Variants in UNC5D observed in about 807,000 individuals in gnomAD.
UNC5D encodes the protein unc-5 netrin receptor D, also known as netrin receptor UNC5D.
Under a neutral mutation model 105.4 loss-of-function variants are expected in UNC5D, and 39 were observed. The observed-to-expected ratio is 0.37, with a 90% CI of 0.29 to 0.48. The LOEUF (loss-of-function observed/expected upper bound fraction) is 0.48, where lower values mean the gene tolerates loss of function less well. Among genes scored for constraint, UNC5D ranks in the 20% least tolerant of loss-of-function variants. The pLI, the probability that UNC5D is intolerant of heterozygous loss-of-function variation, is 0.98. For missense variants in UNC5D, 991 were observed against 1,202.4 expected (o/e 0.82, Z 2.60); for synonymous variants, 452 against 450.4 (o/e 1.00, Z -0.04).
rs1351338400 is a variant in UNC5D, at chr8:35,772,040, CTCTTT to C, written c.2479-2255_2479-2251del. On this transcript the variant is annotated intron_variant, in intron 15 of 16. Coordinates refer to ENST00000404895, the MANE Select transcript of UNC5D (RefSeq NM_080872.4). ...GGTCTTTCTGCTTCTAAAAACCATG[CTCTTT>C]TCTGTTATATAAATACTGGAATAGT... Among the ~76,000 whole-genome samples, 3 of 152,146 alleles carry C rather than the reference CTCTTT, an allele frequency of 2.0e-5. No individual in the cohort carries two copies. In the East Asian group the frequency reaches 5.8e-4, roughly 29 times the overall value.
chr8:35,288,546 G>T (rs1439609365), intron 1 of UNC5D, among the ~76,000 whole-genome samples: 3 of 152,108 alleles, frequency 2.0e-5, no homozygotes, highest in Admixed American at 2.0e-4. Flanking sequence ...TATAAGTAAT[G>T]CCTGGTCATA....
At chr8:35,573,019 G>A (rs1817848345) in intron 3 of UNC5D, among the ~76,000 whole-genome samples, 1 of 152,002 alleles carries the variant, frequency 6.6e-6, no homozygotes, top group Admixed American at 6.6e-5. Context: ...TAGCCAGGAT[G>A]GTCTCGATCT....
intron 4 of UNC5D, among the ~76,000 whole-genome samples, chr8:35,631,905 G>A (rs1822065315): frequency 6.6e-6 from 1 of 152,094 alleles, no homozygotes; most frequent in Admixed American, 6.5e-5. Flanking sequence ...ATTTAATATG[G>A]TTCTATATTA....
chr8:35,711,438 C>T (rs1206256498), intron 8 of UNC5D, among the ~76,000 whole-genome samples: 1 of 152,074 alleles, frequency 6.6e-6, no homozygotes, highest in African/African-American at 2.4e-5. Context: ...CCTTAACCTC[C>T]CAAAGTGCTG....
chr8:35,508,215 G>A (rs866764188), intron 1 of UNC5D, among the ~76,000 whole-genome samples: 6 of 152,204 alleles, frequency 3.9e-5, no homozygotes, highest in East Asian at 1.9e-4. Flanking sequence ...CTGATATTCC[G>A]TTACTTCACT....
intron 1 of UNC5D, among the ~76,000 whole-genome samples, chr8:35,307,811 C>G (rs563285480): frequency 1.3e-5 from 2 of 152,146 alleles, no homozygotes; most frequent in Admixed American, 1.3e-4. Flanking sequence ...CACGCAGGAA[C>G]TTTACAGTTA....
chr8:35,424,775 T>C (rs755615588), intron 1 of UNC5D, among the ~76,000 whole-genome samples: 29 of 152,218 alleles, frequency 1.9e-4, no homozygotes, highest in Non-Finnish European at 3.8e-4. Context: ...CCTTCTCTTA[T>C]TCTTACCTTC....
intron 9 of UNC5D, among the ~76,000 whole-genome samples, chr8:35,723,710 C>A (rs760934852): frequency 6.6e-6 from 1 of 152,090 alleles, no homozygotes; most frequent in Non-Finnish European, 1.5e-5. Flanking sequence ...TGGTCAAGAA[C>A]TGATTTTTAT....
intron 1 of UNC5D, among the ~76,000 whole-genome samples, chr8:35,308,201 A>G (rs1808590453): frequency 6.6e-6 from 1 of 151,512 alleles, no homozygotes. Context: ...AACACATGAT[A>G]TTTGTGTACC....
At chr8:35,651,323 A>G (rs1372902918) in intron 4 of UNC5D, among the ~76,000 whole-genome samples, 1 of 152,164 alleles carries the variant, frequency 6.6e-6, no homozygotes, top group Non-Finnish European at 1.5e-5. Flanking sequence ...CAAGATTAGA[A>G]GCTAAGAGTC....
chr8:35,614,813 GA>G (rs1299829442), intron 4 of UNC5D, among the ~76,000 whole-genome samples: 1 of 152,080 alleles, frequency 6.6e-6, no homozygotes, highest in Admixed American at 6.5e-5. Flanking sequence ...GTTCCTTACT[GA>G]AAAAGAAAAG....
chr8:35,344,256 A>G (rs1465459418), intron 1 of UNC5D, among the ~76,000 whole-genome samples: 2 of 152,084 alleles, frequency 1.3e-5, no homozygotes, highest in African/African-American at 2.4e-5. Flanking sequence ...GACTGTACAC[A>G]TCAGACCCGG....
At chr8:35,315,900 G>T (rs1809265685) in intron 1 of UNC5D, among the ~76,000 whole-genome samples, 1 of 152,134 alleles carries the variant, frequency 6.6e-6, no homozygotes, top group Admixed American at 6.6e-5. Flanking sequence ...TACAGACCAT[G>T]AACAACATCG....
chr8:35,731,483 G>C (rs1045427488), intron 11 of UNC5D, among the ~76,000 whole-genome samples: 14 of 144,734 alleles, frequency 9.7e-5, no homozygotes, highest in African/African-American at 3.6e-4. Context: ...ACTATTAAGA[G>C]AATGAGACTT....
chr8:35,781,376 G>A (rs1032012157), intron 16 of UNC5D, among the ~76,000 whole-genome samples: 8 of 152,118 alleles, frequency 5.3e-5, no homozygotes, highest in Admixed American at 2.6e-4. Flanking sequence ...CTAAAGTTAT[G>A]CTCCCACTGT....
chr8:35,442,891 C>CTGTT (rs1807513231), intron 1 of UNC5D, among the ~76,000 whole-genome samples: 1 of 132,674 alleles, frequency 7.5e-6, no homozygotes, highest in African/African-American at 3.2e-5. Context: ...CTGTTTCTCT[C>CTGTT]TCTCTCTCTC....
chr8:35,615,831 G>A (rs1441682717), intron 4 of UNC5D, among the ~76,000 whole-genome samples: 9 of 152,180 alleles, frequency 5.9e-5, no homozygotes, highest in East Asian at 1.9e-4. Context: ...GGGAGCATAT[G>A]TGACTCAGAG....
intron 1 of UNC5D, among the ~76,000 whole-genome samples, chr8:35,303,042 G>A (rs1290659456): frequency 1.3e-5 from 2 of 151,916 alleles, no homozygotes; most frequent in African/African-American, 2.4e-5. Flanking sequence ...AAATATATAT[G>A]TTATTCAACT....
chr8:35,310,841 G>T (rs1254157738), intron 1 of UNC5D, among the ~76,000 whole-genome samples: 1 of 152,022 alleles, frequency 6.6e-6, no homozygotes, highest in African/African-American at 2.4e-5. Context: ...CTCCAAATAT[G>T]CTCATGCTGA....
Sources: allele counts gnomAD v4.1 joint callset (sites outside exome capture counted in the v4.1 genomes callset), GRCh38; gene constraint gnomAD v4.1.1; transcripts MANE v1.5; gene names NCBI Gene and HGNC (gene_info 2026-07-23, HGNC 2026-07-21).